Variants in PSD3 observed in about 807,000 individuals in gnomAD.
The protein encoded by PSD3 is PH and SEC7 domain-containing protein 3.
Under a neutral mutation model 105.5 loss-of-function variants are expected in PSD3, and 49 were observed. That is an observed-to-expected ratio of 0.46 (90% confidence interval 0.37 to 0.59). PSD3 has a LOEUF of 0.59. PSD3 is among the 20% of genes least tolerant of loss of function. The pLI, the probability that PSD3 is intolerant of heterozygous loss-of-function variation, is 0.00. For synonymous variants in PSD3, 557 were observed against 457.8 expected (o/e 1.22, Z -2.77); for missense variants, 1,561 against 1,263.8 (o/e 1.24, Z -3.57).
intron 9 of PSD3, among the ~76,000 whole-genome samples, chr8:18,714,284 C>G (rs1236465949): frequency 6.6e-6 from 1 of 152,006 alleles, no homozygotes; most frequent in African/African-American, 2.4e-5. Flanking sequence ...CAAATGAAAT[C>G]TAATTAAACT....
At chr8:19,080,997 C>G (rs1829627827) in intron 1 of PSD3, among the ~76,000 whole-genome samples, 1 of 152,146 alleles carries the variant, frequency 6.6e-6, no homozygotes, top group South Asian at 2.1e-4. Context: ...TGAGTTGGGT[C>G]TGCTTTCCTT....
chr8:18,700,294 G>A (rs1457274797), intron 9 of PSD3, among the ~76,000 whole-genome samples: 2 of 151,964 alleles, frequency 1.3e-5, no homozygotes, highest in African/African-American at 4.8e-5. Context: ...TAAAGTCCAA[G>A]AATTTATCAT....
intron 10 of PSD3, among the ~76,000 whole-genome samples, chr8:18,653,997 A>G (rs1808710055): frequency 6.6e-6 from 1 of 152,124 alleles, no homozygotes; most frequent in African/African-American, 2.4e-5. Context: ...TATGAAACCC[A>G]CTTTTGTTCA....
At chr8:18,784,268 T>C (rs1808914005) in intron 8 of PSD3, among the ~76,000 whole-genome samples, 2 of 152,184 alleles carry the variant, frequency 1.3e-5, no homozygotes, top group South Asian at 2.1e-4. Context: ...AATTTCTCAA[T>C]AAAACAATTT....
intron 9 of PSD3, among the ~76,000 whole-genome samples, chr8:18,688,281 G>C: frequency 6.6e-6 from 1 of 151,982 alleles, no homozygotes; most frequent in African/African-American, 2.4e-5. Context: ...TGTTTTGGTA[G>C]AAATAGGGTC....
intron 2 of PSD3, among the ~76,000 whole-genome samples, chr8:18,889,169 C>G (rs553277389): frequency 3.9e-5 from 6 of 152,362 alleles, no homozygotes; most frequent in African/African-American, 1.4e-4. Flanking sequence ...CTTACATGTT[C>G]TCTAGTCTTT....
At chr8:19,016,596 T>G (rs1827186026), upstream of PSD3, among the ~76,000 whole-genome samples, 1 of 152,240 alleles carries the variant, frequency 6.6e-6, no homozygotes, top group South Asian at 2.1e-4. Context: ...ATCTACCACC[T>G]ACATAATATT....
intron 1 of PSD3, among the ~76,000 whole-genome samples, chr8:19,079,636 G>A (rs980292738): frequency 2.6e-5 from 4 of 152,144 alleles, no homozygotes; most frequent in African/African-American, 9.7e-5. Flanking sequence ...TGTTCAACTC[G>A]TAATAGGGGA....
intron 11 of PSD3, among the ~76,000 whole-genome samples, chr8:18,626,698 A>T (rs967316923): frequency 3.3e-5 from 5 of 152,170 alleles, no homozygotes; most frequent in African/African-American, 1.2e-4. Flanking sequence ...AGGCAAAAAC[A>T]TTCAGAAACA....
At chr8:18,945,284 A>G (rs1822790123) in intron 1 of PSD3, among the ~76,000 whole-genome samples, 1 of 140,218 alleles carries the variant, frequency 7.1e-6, no homozygotes. Flanking sequence ...CATCACATGT[A>G]TCCTTATAAG....
intron 4 of PSD3, among the ~76,000 whole-genome samples, chr8:18,856,883 T>G (rs1816053313): frequency 6.6e-6 from 1 of 152,248 alleles, no homozygotes. Flanking sequence ...ATTTATTGAG[T>G]ACTCATTAAG....
At chr8:19,052,687 A>G (rs1175316652) in intron 1 of PSD3, among the ~76,000 whole-genome samples, 1 of 152,116 alleles carries the variant, frequency 6.6e-6, no homozygotes. Context: ...GTTCGGTAAT[A>G]TCAGAATGGG....
At chr8:18,645,385 T>C (rs915753865) in intron 10 of PSD3, among the ~76,000 whole-genome samples, 7 of 152,216 alleles carry the variant, frequency 4.6e-5, no homozygotes, top group African/African-American at 1.7e-4. Context: ...GCTAACAAAA[T>C]TAAGTGGTCT....
chr8:18,801,456 A>AT (rs1810678502), intron 6 of PSD3, 74 bp from the exon 7 acceptor site: 1 of 796,048 alleles, frequency 1.3e-6, no homozygotes, highest in African/African-American at 1.8e-5. Flanking sequence ...TTAAAAGTCA[A>AT]TTTATATAAA....
chr8:18,853,147 A>G (rs1272823036), intron 4 of PSD3, among the ~76,000 whole-genome samples: 2 of 152,140 alleles, frequency 1.3e-5, no homozygotes, highest in Non-Finnish European at 2.9e-5. Flanking sequence ...TTTCTTATTA[A>G]AGTTATGAAA....
At chr8:18,791,744 T>C (rs185575265) in intron 8 of PSD3, among the ~76,000 whole-genome samples, 7 of 152,292 alleles carry the variant, frequency 4.6e-5, no homozygotes, top group East Asian at 3.9e-4. Flanking sequence ...CCAATCAAAC[T>C]GAACAGCTTC....
At chr8:18,989,076 G>C (rs1462455120) in intron 1 of PSD3, among the ~76,000 whole-genome samples, 1 of 152,126 alleles carries the variant, frequency 6.6e-6, no homozygotes, top group Non-Finnish European at 1.5e-5. Flanking sequence ...AATTCCTCCA[G>C]TTTTAAAATT....
chr8:18,910,637 T>TAA lies in PSD3; in HGVS notation c.130+25395_130+25396dup, dbSNP rs34392783. Among the ~76,000 whole-genome samples, 853 of 96,700 alleles carry TAA rather than the reference T, an allele frequency of 8.8e-3. 1 individual carries two copies. Among genetic ancestry groups the TAA allele is most frequent in the African/African-American group, 0.013 (335 of 25,478 alleles). The allele number at this position is 96,700 out of a possible 152,430, so 63.4% of individuals were successfully genotyped here. A position where few individuals can be genotyped will look rare whatever the true frequency, so the allele number is the denominator to read the frequency against. On this transcript the variant is annotated intron_variant, in intron 2 of 15. Coordinates refer to ENST00000327040, the MANE Select transcript of PSD3 (RefSeq NM_015310.4). ...ATGTACCCTAAAACTTAGAGTATAATAAAAAAAAAAAAAAAAAAAAAAGAA... is the reference window on the plus strand; with the variant it reads ...ATGTACCCTAAAACTTAGAGTATAATAAAAAAAAAAAAAAAAAAAAAAAAGAA...
At chr8:18,772,775 G>A (rs1807661968) in intron 8 of PSD3, among the ~76,000 whole-genome samples, 1 of 152,172 alleles carries the variant, frequency 6.6e-6, no homozygotes, top group Non-Finnish European at 1.5e-5. Flanking sequence ...CTTCCAAAGT[G>A]CTGGGATTAC....
Sources: gnomAD v4.1 joint callset for allele counts (sites outside exome capture counted in the v4.1 genomes callset) on GRCh38, gnomAD v4.1.1 for gene constraint, MANE v1.5 for transcripts, NCBI Gene and HGNC (gene_info 2026-07-23, HGNC 2026-07-21) for gene names.